The following RMDN2 variants were observed in gnomAD, a reference collection of about 807,000 sequenced individuals.
RMDN2 encodes regulator of microtubule dynamics 2.
Under a neutral mutation model 52.8 loss-of-function variants are expected in RMDN2, and 61 were observed. The observed-to-expected ratio is 1.16, with a 90% CI of 0.94 to 1.43. The LOEUF is 1.43. RMDN2 is among the 40% of genes most tolerant of loss of function. The pLI is 0.00. For missense variants in RMDN2, 592 were observed against 475.3 expected (o/e 1.25, Z -2.28); for synonymous variants, 180 against 153.1 (o/e 1.18, Z -1.30).
At chr2:37,987,418 T>G (rs995588531) in intron 5 of RMDN2, among the ~76,000 whole-genome samples, 1 of 152,104 alleles carries the variant, frequency 6.6e-6, no homozygotes, top group Non-Finnish European at 1.5e-5. Flanking sequence ...TACATATTAC[T>G]AAGTAAAAGA....
rs1485709144 is a variant in RMDN2, at chr2:38,017,268, G to C, written c.*29G>C. ...AACGAATTTACTCTTCAACAAATCAGATGTGGTCTACCAAAATTTAAATGA... is the reference window on the plus strand; with the variant it reads ...AACGAATTTACTCTTCAACAAATCACATGTGGTCTACCAAAATTTAAATGA... On this transcript the variant is annotated 3_prime_UTR_variant, in exon 11 of 11. Coordinates refer to ENST00000354545, the MANE Select transcript of RMDN2 (RefSeq NM_001170791.3). 1 of 1,494,542 alleles carries C rather than the reference G, an allele frequency of 6.7e-7. No individual in the cohort carries two copies. The highest frequency in any genetic ancestry group is 1.4e-5 in the South Asian group (1 of 73,182). 92.6% of individuals were successfully genotyped at this position (1,494,542 alleles called of 1,614,324 possible).
At chr2:37,978,675 G>A (rs1415067567) in intron 4 of RMDN2, among the ~76,000 whole-genome samples, 5 of 152,006 alleles carry the variant, frequency 3.3e-5, no homozygotes, top group Non-Finnish European at 7.4e-5. Context: ...AAAATAACAC[G>A]ACTGAGGTGG....
intron 5 of RMDN2, among the ~76,000 whole-genome samples, chr2:37,982,278 C>T (rs1054960408): frequency 2.0e-5 from 3 of 152,160 alleles, no homozygotes; most frequent in Admixed American, 6.5e-5. Context: ...TTCACTCTGC[C>T]ACCAGCAGGG....
chr2:37,972,352 A>C (rs1332458782), intron 2 of RMDN2, among the ~76,000 whole-genome samples: 2 of 152,178 alleles, frequency 1.3e-5, no homozygotes, highest in Non-Finnish European at 2.9e-5. Context: ...TCTGGAGAAG[A>C]ACATACCAGG....
intron 5 of RMDN2, among the ~76,000 whole-genome samples, chr2:37,987,258 A>G (rs915002150): frequency 2.1e-5 from 3 of 140,172 alleles, no homozygotes; most frequent in African/African-American, 9.9e-5. Flanking sequence ...AAAATGAACA[A>G]AGTATGTACA....
chr2:38,042,444 C>A (rs1027724512), intron 10 of RMDN2, among the ~76,000 whole-genome samples: 4 of 137,676 alleles, frequency 2.9e-5, no homozygotes, highest in Non-Finnish European at 4.6e-5. Context: ...ACACACACAC[C>A]ACACACACAC....
At chr2:38,045,004 A>AT (rs140336253) in intron 10 of RMDN2, among the ~76,000 whole-genome samples, 20,354 of 149,750 alleles carry the variant, frequency 0.14, 2,248 homozygotes, top group East Asian at 0.66. Flanking sequence ...TATTCTAGAT[A>AT]TTTTTTTTTT....
chr2:37,973,452 T>C (rs1404097989), intron 2 of RMDN2, among the ~76,000 whole-genome samples: 1 of 152,202 alleles, frequency 6.6e-6, no homozygotes, highest in Non-Finnish European at 1.5e-5. Context: ...ATACATCAGT[T>C]AATGAACCTA....
chr2:37,924,890 T>A (rs1446412733), upstream of RMDN2, among the ~76,000 whole-genome samples: 1 of 152,226 alleles, frequency 6.6e-6, no homozygotes, highest in African/African-American at 2.4e-5. Flanking sequence ...GTGCAAGGCG[T>A]CTGCCTTTAA....
intron 5 of RMDN2, among the ~76,000 whole-genome samples, chr2:37,984,851 AAAAAT>A (rs1165143252): frequency 7.1e-6 from 1 of 140,912 alleles, no homozygotes. Flanking sequence ...TTTGAGAAAA[AAAAAT>A]AAAATTAAGT....
intron 2 of RMDN2, among the ~76,000 whole-genome samples, chr2:37,933,520 G>A (rs964178207): frequency 3.9e-5 from 6 of 152,248 alleles, no homozygotes; most frequent in African/African-American, 7.2e-5. Context: ...CTGCAATCCC[G>A]GCACCTCGGG....
chr2:38,012,539 A>G (rs1426182690), intron 10 of RMDN2: 7 of 456,618 alleles, frequency 1.5e-5, no homozygotes, highest in Non-Finnish European at 3.1e-5. Context: ...AGACATTGGA[A>G]GTATTTCTGT....
At chr2:37,975,981 C>A (rs1228231803) in intron 4 of RMDN2, among the ~76,000 whole-genome samples, 1 of 152,172 alleles carries the variant, frequency 6.6e-6, no homozygotes, top group African/African-American at 2.4e-5. Flanking sequence ...AGGCAGAGGA[C>A]AAGTGTCTTC....
intron 10 of RMDN2, among the ~76,000 whole-genome samples, chr2:38,028,493 C>T (rs549513033): frequency 1.3e-5 from 2 of 152,182 alleles, no homozygotes; most frequent in African/African-American, 4.8e-5. Flanking sequence ...ATTTTTCTTT[C>T]TTATTATGGA....
At chr2:37,964,493 GT>G (rs1407571152) in intron 2 of RMDN2, among the ~76,000 whole-genome samples, 14 of 152,044 alleles carry the variant, frequency 9.2e-5, no homozygotes, top group Non-Finnish European at 2.1e-4. Context: ...GGATTTTCCA[GT>G]TTTTCTTCTG....
chr2:37,922,698 T>C (rs188321931), upstream of RMDN2, among the ~76,000 whole-genome samples: 411 of 152,344 alleles, frequency 2.7e-3, 4 homozygotes, highest in African/African-American at 9.5e-3. Context: ...TTGTATTCAT[T>C]GAAACTCCTG....
intron 10 of RMDN2, among the ~76,000 whole-genome samples, chr2:38,010,086 G>C (rs1188655923): frequency 6.6e-6 from 1 of 152,180 alleles, no homozygotes; most frequent in Non-Finnish European, 1.5e-5. Context: ...TGTCTCAGAG[G>C]AGTACCCGGG....
chr2:38,056,247 C>T (rs1482781919), intron 10 of RMDN2, among the ~76,000 whole-genome samples: 2 of 152,186 alleles, frequency 1.3e-5, no homozygotes, highest in Admixed American at 6.5e-5. Flanking sequence ...CTAGTCAACC[C>T]CTAAGCATCT....
At chr2:37,975,941 A>C (rs928556154) in intron 4 of RMDN2, among the ~76,000 whole-genome samples, 1 of 152,206 alleles carries the variant, frequency 6.6e-6, no homozygotes, top group Non-Finnish European at 1.5e-5. Context: ...TAGACAAGAA[A>C]TGTAGTGGCA....
Sources: allele counts gnomAD v4.1 joint callset (sites outside exome capture counted in the v4.1 genomes callset), GRCh38; gene constraint gnomAD v4.1.1; transcripts MANE v1.5; gene names NCBI Gene and HGNC (gene_info 2026-07-23, HGNC 2026-07-21).